CORO7: variants seen among roughly 807,000 people sequenced by gnomAD.
The protein encoded by CORO7 is coronin 7.
CORO7 carries 107 observed loss-of-function variants against 126.6 expected under a neutral mutation model. The observed-to-expected ratio is 0.85, with a 90% CI of 0.72 to 0.99. The LOEUF (loss-of-function observed/expected upper bound fraction) is 0.99. Among genes scored for constraint, CORO7 ranks in the 50% least tolerant of loss-of-function variants. The pLI, the probability that CORO7 is intolerant of heterozygous loss-of-function variation, is 0.00. For synonymous variants in CORO7, 603 were observed against 536.8 expected (o/e 1.12, Z -1.70); for missense variants, 1,314 against 1,255.8 (o/e 1.05, Z -0.70).
chr16:4,395,351 G>A lies in CORO7; in HGVS notation c.565-12C>T. On this transcript the variant is annotated splice_polypyrimidine_tract_variant and intron_variant, in intron 6 of 27. Coordinates refer to ENST00000251166, the MANE Select transcript of CORO7 (RefSeq NM_024535.5). Reference sequence around the variant, plus strand: ...CGCAGCTGCTTGTCCTGGAAAAGCAGAGAGGAGGAAACAACTTGCGATTAG... The same window carrying A: ...CGCAGCTGCTTGTCCTGGAAAAGCAAAGAGGAGGAAACAACTTGCGATTAG... 1.2e-6 allele frequency: 2 copies of A among 1,614,036 alleles called. No homozygotes were observed. Among genetic ancestry groups the A allele is most frequent in the Admixed American group, 1.7e-5 (1 of 60,028 alleles).
rs1403873130 is a variant in CORO7 at position 4,408,267 on chromosome 16, G to A, written c.233-16C>T. The A allele has an allele frequency of 4.3e-6, 7 of 1,614,104 alleles. No homozygotes were observed. Among genetic ancestry groups the A allele is most frequent in the Non-Finnish European group, 5.9e-6 (7 of 1,180,034 alleles). On this transcript the variant is annotated splice_polypyrimidine_tract_variant and intron_variant, in intron 3 of 27. Transcript: ENST00000251166. ...GTGACTAGGTCTGTGGGAGAGGAAT[G>A]GCTGAACCCACCGGAATGTCCTGTT...
intron 14 of CORO7, among the ~76,000 whole-genome samples, chr16:4,363,937 T>A (rs989776974): frequency 2.0e-5 from 3 of 152,066 alleles, no homozygotes; most frequent in African/African-American, 7.2e-5. Flanking sequence ...GAGAATCACT[T>A]GAACCCAAGA....
At chr16:4,412,544 T>C in intron 2 of CORO7, 114 bp from the exon 3 acceptor site, 1 of 1,073,866 alleles carries the variant, frequency 9.3e-7, no homozygotes. Context: ...TCCCAGAGCC[T>C]CTACCAATCA....
At chr16:4,406,751 T>C (rs112365317) in intron 5 of CORO7, among the ~76,000 whole-genome samples, 370 of 151,780 alleles carry the variant, frequency 2.4e-3, no homozygotes, top group African/African-American at 8.5e-3. Context: ...GCAATTCTCC[T>C]GCCTCAGCCT....
rs554952831 is a variant in CORO7, at chr16:4,395,151, C to T, written c.615+138G>A. On this transcript the variant is annotated intron_variant, in intron 7 of 27. Coordinates refer to ENST00000251166, the MANE Select transcript of CORO7 (RefSeq NM_024535.5). ...GGAAGAGCTCCCAGCAGTGGTGGTC[C>T]ACCTCCTGGGGACCCCTGGTGCTGC... The T allele has an allele frequency of 4.8e-5, 59 of 1,219,208 alleles. 1 individual carries two copies. Among genetic ancestry groups the T allele is most frequent in the East Asian group, 4.8e-4 (19 of 39,914 alleles). 75.5% of individuals were successfully genotyped at this position (1,219,208 alleles called of 1,614,324 possible).
At chr16:4,415,605 A>G (rs1334449730) in intron 1 of CORO7, 11 of 517,858 alleles carry the variant, frequency 2.1e-5, no homozygotes, top group African/African-American at 4.2e-5. Context: ...AGTCCACACT[A>G]CAAAAACGGA....
intron 9 of CORO7, chr16:4,381,244 C>T (rs1477020148): frequency 6.2e-7 from 1 of 1,611,820 alleles, no homozygotes; most frequent in East Asian, 2.2e-5. Flanking sequence ...CTTCCGTGGC[C>T]TGCGGCGCCT....
At chr16:4,400,343 A>T (rs768402743) in intron 6 of CORO7, among the ~76,000 whole-genome samples, 9 of 152,120 alleles carry the variant, frequency 5.9e-5, no homozygotes, top group African/African-American at 9.7e-5. Context: ...TAAAAATACA[A>T]AAAAATTAGG....
intron 2 of CORO7, 98 bp from the exon 3 acceptor site, chr16:4,412,528 G>A (rs1056166521): frequency 2.5e-5 from 32 of 1,291,590 alleles, no homozygotes; most frequent in Admixed American, 9.4e-5. Flanking sequence ...GCTCAGCCTC[G>A]GACCTTCCCA....
chr16:4,389,513 G>A (rs1203778804), intron 7 of CORO7, among the ~76,000 whole-genome samples: 3 of 152,182 alleles, frequency 2.0e-5, no homozygotes, highest in African/African-American at 7.2e-5. Flanking sequence ...AGCCTGCGAG[G>A]AGCTGGCCTG....
chr16:4,383,848 G>A (rs1303033899), intron 9 of CORO7, among the ~76,000 whole-genome samples: 3 of 152,240 alleles, frequency 2.0e-5, no homozygotes, highest in Non-Finnish European at 4.4e-5. Flanking sequence ...AGTCCCTTGT[G>A]GGTTGGTCTG....
At chr16:4,411,787 G>T (rs1463745133) in intron 3 of CORO7, among the ~76,000 whole-genome samples, 1 of 152,006 alleles carries the variant, frequency 6.6e-6, no homozygotes, top group Non-Finnish European at 1.5e-5. Context: ...CGCTGCAGCT[G>T]GACAGTGAGA....
chr16:4,395,387 T>A (rs766209159), intron 6 of CORO7, 48 bp from the exon 7 acceptor site: 1 of 1,611,846 alleles, frequency 6.2e-7, no homozygotes, highest in South Asian at 1.1e-5. Flanking sequence ...GGCTGGAGGG[T>A]CCCTGGAAGC....
chr16:4,360,673 C>A, intron 19 of CORO7, 125 bp from the exon 20 acceptor site: 1 of 1,380,462 alleles, frequency 7.2e-7, no homozygotes, highest in Non-Finnish European at 9.8e-7. Flanking sequence ...CCTCTCCTCA[C>A]TGCTGGTCTT....
chr16:4,359,717 T>C lies in CORO7; in HGVS notation c.2109-96A>G, dbSNP rs529855498. Reference sequence around the variant, plus strand: ...CACGTAGCCCCTGCTCTGTTCTGGGTTGTAGGCGAGGCCTAGTGTGGCCCG... The same window carrying C: ...CACGTAGCCCCTGCTCTGTTCTGGGCTGTAGGCGAGGCCTAGTGTGGCCCG... On this transcript the variant is annotated intron_variant, in intron 21 of 27. Transcript: ENST00000251166. The C allele has an allele frequency of 2.8e-5, 41 of 1,459,732 alleles. No homozygotes were observed. In the African/African-American group the frequency reaches 5.2e-4, roughly 19 times the overall value. The allele number at this position is 1,459,732 out of a possible 1,614,324, so 90.4% of individuals were successfully genotyped here.
intron 9 of CORO7, chr16:4,381,557 A>G: frequency 6.2e-7 from 1 of 1,605,222 alleles, no homozygotes; most frequent in Non-Finnish European, 8.5e-7. Context: ...TCCGACAACC[A>G]GCTGGAGCGA....
At chr16:4,415,816 C>T in intron 1 of CORO7, 12 of 985,652 alleles carry the variant, frequency 1.2e-5, no homozygotes, top group Non-Finnish European at 1.4e-5. Flanking sequence ...CTCCCGGCAC[C>T]TGGCTCAGCA....
chr16:4,360,716 C>T (rs1293400305), intron 19 of CORO7, among the ~76,000 whole-genome samples, 168 bp from the exon 20 acceptor site: 1 of 145,222 alleles, frequency 6.9e-6, no homozygotes, highest in African/African-American at 2.6e-5. Flanking sequence ...CCTCTCCTCA[C>T]TGCTGGCCCC....
intron 3 of CORO7, among the ~76,000 whole-genome samples, chr16:4,409,556 C>A (rs528437394): frequency 3.0e-4 from 46 of 152,376 alleles, no homozygotes; most frequent in Admixed American, 3.9e-4. Context: ...ACTGCAGCAG[C>A]ATCCCCTACT....
Sources: gnomAD v4.1 joint callset for allele counts (sites outside exome capture counted in the v4.1 genomes callset) on GRCh38, gnomAD v4.1.1 for gene constraint, MANE v1.5 for transcripts, NCBI Gene and HGNC (gene_info 2026-07-23, HGNC 2026-07-21) for gene names.